The following SPMIP3 variants were observed in gnomAD, a reference collection of about 807,000 sequenced individuals.
The protein encoded by SPMIP3 is protein SPMIP3.
the SPMIP3 span, among the ~76,000 whole-genome samples, chr1:244,356,971 G>GGAT: frequency 1.6e-5 from 2 of 125,470 alleles, no homozygotes; most frequent in Non-Finnish European, 3.1e-5. Context: ...AACCCAGGCT[G>GGAT]GATTGCAGTG....
the SPMIP3 span, among the ~76,000 whole-genome samples, chr1:244,385,620 G>C: frequency 1.3e-5 from 2 of 152,134 alleles, no homozygotes; most frequent in Admixed American, 1.3e-4. Flanking sequence ...CCTGCGAAAA[G>C]CATAAAAATA....
At chr1:244,372,168 G>C in the SPMIP3 span, among the ~76,000 whole-genome samples, 7 of 152,040 alleles carry the variant, frequency 4.6e-5, no homozygotes, top group Non-Finnish European at 1.0e-4. Flanking sequence ...TTGCTTATCC[G>C]AGTCCTAGAT....
At chr1:244,358,034 C>T in the SPMIP3 span, among the ~76,000 whole-genome samples, 1 of 151,968 alleles carries the variant, frequency 6.6e-6, no homozygotes, top group Non-Finnish European at 1.5e-5. Flanking sequence ...ACCAGCCTAG[C>T]CAACATGGTG....
chr1:244,388,829 A>ATTCAT, the SPMIP3 span: 3 of 682,382 alleles, frequency 4.4e-6, no homozygotes, highest in African/African-American at 5.6e-5. Context: ...TTTTAAATGC[A>ATTCAT]TTCATTTGTC....
At chr1:244,387,277 G>A in the SPMIP3 span, among the ~76,000 whole-genome samples, 13 of 150,704 alleles carry the variant, frequency 8.6e-5, no homozygotes, top group South Asian at 1.7e-3. Flanking sequence ...CAGCCTGGCC[G>A]ACAGAGTACG....
chr1:244,389,058 A>C, the SPMIP3 span: 3 of 1,611,250 alleles, frequency 1.9e-6, no homozygotes, highest in Non-Finnish European at 2.5e-6. Context: ...AAATGCTTTT[A>C]AACTAAAATA....
chr1:244,386,404 C>T, the SPMIP3 span, among the ~76,000 whole-genome samples: 2 of 152,174 alleles, frequency 1.3e-5, no homozygotes, highest in East Asian at 3.8e-4. Flanking sequence ...AATCATTTCA[C>T]ACTTTCTTCT....
At chr1:244,371,005 C>T in the SPMIP3 span, among the ~76,000 whole-genome samples, 7 of 152,262 alleles carry the variant, frequency 4.6e-5, no homozygotes, top group Admixed American at 3.9e-4. Context: ...CAGAGAAGAG[C>T]GTGGTCACAG....
chr1:244,379,998 C>CT, the SPMIP3 span, among the ~76,000 whole-genome samples: 30 of 152,078 alleles, frequency 2.0e-4, no homozygotes, highest in Admixed American at 1.9e-3. Flanking sequence ...GACTGAGGCT[C>CT]CCCGACGTAT....
chr1:244,366,907 CAGAT>C, the SPMIP3 span, among the ~76,000 whole-genome samples: 1 of 151,910 alleles, frequency 6.6e-6, no homozygotes, highest in African/African-American at 2.4e-5. Context: ...AAAAACTAAA[CAGAT>C]AGAATAATTG....
At chr1:244,358,072 T>TA in the SPMIP3 span, among the ~76,000 whole-genome samples, 3 of 147,376 alleles carry the variant, frequency 2.0e-5, no homozygotes, top group Non-Finnish European at 4.5e-5. Flanking sequence ...AAAACGAAAA[T>TA]AAAAAAAATT....
At chr1:244,383,259 C>A in the SPMIP3 span, among the ~76,000 whole-genome samples, 1 of 152,134 alleles carries the variant, frequency 6.6e-6, no homozygotes, top group Non-Finnish European at 1.5e-5. Flanking sequence ...TGCCTGTAAT[C>A]CCAGCACTTT....
the SPMIP3 span, among the ~76,000 whole-genome samples, chr1:244,375,744 AACCTCC>A: frequency 6.6e-6 from 1 of 152,022 alleles, no homozygotes; most frequent in Non-Finnish European, 1.5e-5. Context: ...GCCTCACCAC[AACCTCC>A]ACCTCCCAGG....
chr1:244,354,354 ATTTTTT>A, the SPMIP3 span, among the ~76,000 whole-genome samples: 1 of 107,224 alleles, frequency 9.3e-6, no homozygotes, highest in Admixed American at 1.0e-4. Flanking sequence ...CCAAACTTTG[ATTTTTT>A]TTTTTTTTTT....
the SPMIP3 span, among the ~76,000 whole-genome samples, chr1:244,386,510 T>C: frequency 6.6e-6 from 1 of 152,222 alleles, no homozygotes; most frequent in Non-Finnish European, 1.5e-5. Flanking sequence ...AAGTTGTGTA[T>C]GATTCAACCC....
chr1:244,373,171 A>G, the SPMIP3 span, among the ~76,000 whole-genome samples: 1 of 151,716 alleles, frequency 6.6e-6, no homozygotes, highest in Non-Finnish European at 1.5e-5. Flanking sequence ...ACTTGAGCCC[A>G]GGAGTTCCAG....
the SPMIP3 span, among the ~76,000 whole-genome samples, chr1:244,372,850 C>A: frequency 6.6e-6 from 1 of 152,190 alleles, no homozygotes; most frequent in Non-Finnish European, 1.5e-5. Flanking sequence ...CCAATGATGG[C>A]CATTTATTGT....
chr1:244,358,875 G>A, the SPMIP3 span, among the ~76,000 whole-genome samples: 9 of 152,212 alleles, frequency 5.9e-5, no homozygotes, highest in South Asian at 8.3e-4. Context: ...ATGTCTAAGC[G>A]AGAATCTTCT....
chr1:244,363,735 T>G, the SPMIP3 span, among the ~76,000 whole-genome samples: 1 of 152,164 alleles, frequency 6.6e-6, no homozygotes, highest in Non-Finnish European at 1.5e-5. Context: ...GACACAGACT[T>G]CAGCCACTGC....
Sources: allele counts gnomAD v4.1 joint callset (sites outside exome capture counted in the v4.1 genomes callset), GRCh38; gene constraint gnomAD v4.1.1; transcripts MANE v1.5; gene names NCBI Gene and HGNC (gene_info 2026-07-23, HGNC 2026-07-21).